Variants in ATXN10 observed in about 807,000 individuals in gnomAD.
ATXN10 encodes ataxin-10.
A neutral mutation model predicts 52.9 loss-of-function variants in ATXN10; 28 were observed. The observed-to-expected ratio is 0.53, with a 90% CI of 0.39 to 0.73. ATXN10 has a LOEUF of 0.73. ATXN10 is among the 30% of genes least tolerant of loss of function. The probability of loss-of-function intolerance (pLI) is 0.00; values close to 1 mark genes in which losing one functional copy is unlikely to be tolerated. For synonymous variants in ATXN10, 226 were observed against 221.5 expected (o/e 1.02, Z -0.18); for missense variants, 565 against 577.0 (o/e 0.98, Z 0.21).
rs1009212173 is a variant in ATXN10, at chr22:45,750,808, C to T, written c.1173+10270C>T. ...ATGTGATAAGGATAATCCAGCAACC[C>T]GGGGAGAAAAGGAAAGCTTATTACA... On this transcript the variant is annotated intron_variant, in intron 9 of 11. Transcript: ENST00000252934. The surrounding 1 kb of genome is among the most constrained non-coding windows in gnomAD (Gnocchi z 4.2). Among the ~76,000 whole-genome samples the T allele has an allele frequency of 2.6e-5, 4 of 152,102 alleles. No homozygotes were observed. The highest frequency in any genetic ancestry group is 4.4e-5 in the Non-Finnish European group (3 of 68,030).
In ATXN10 at chr22:45,766,993, T is replaced by C. The variant is rs1926605323; in HGVS notation, c.1173+26455T>C. Among the ~76,000 whole-genome samples the C allele has an allele frequency of 6.6e-6, 1 of 152,234 alleles. No homozygotes were observed. The highest frequency in any genetic ancestry group is 1.5e-5 in the Non-Finnish European group (1 of 68,040). On this transcript the variant is annotated intron_variant, in intron 9 of 11. Transcript: ENST00000252934. The surrounding 1 kb of genome is among the most constrained non-coding windows in gnomAD (Gnocchi z 4.6). ...ATATCAAATGTAGTTGGCAAGACCA[T>C]AGGGCAACAAATATTCTCTTGCTGT...
intron 1 of ATXN10, among the ~76,000 whole-genome samples, chr22:45,686,545 C>T (rs974687360): frequency 6.6e-5 from 10 of 152,074 alleles, no homozygotes; most frequent in African/African-American, 1.7e-4. Flanking sequence ...GCAGGCCAGG[C>T]GCAGTGGCTC....
intron 6 of ATXN10, among the ~76,000 whole-genome samples, chr22:45,721,253 T>G (rs1767247910): frequency 6.6e-6 from 1 of 152,200 alleles, no homozygotes; most frequent in African/African-American, 2.4e-5. Context: ...GAGTGAATAT[T>G]AACAAATTGG....
chr22:45,805,145 A>G lies in ATXN10; in HGVS notation c.1174-1814A>G, dbSNP rs528202723. Among the ~76,000 whole-genome samples, 14 of 152,320 alleles carry G rather than the reference A, an allele frequency of 9.2e-5. No homozygotes were observed. The East Asian group carries it at 2.7e-3, about 29-fold the overall frequency. ...CATTAGTCATCAGAAATGCGCATCA[A>G]AACCACAATGGCATACCACTTCACT... On this transcript the variant is annotated intron_variant, in intron 9 of 11. Coordinates refer to ENST00000252934, the MANE Select transcript of ATXN10 (RefSeq NM_013236.4). This position sits in a 1 kb window ranked among gnomAD's most constrained non-coding sequence, Gnocchi z 4.4.
chr22:45,785,132 C>T (rs1316419663), intron 9 of ATXN10, among the ~76,000 whole-genome samples: 16 of 152,238 alleles, frequency 1.1e-4, no homozygotes, highest in Admixed American at 1.0e-3. Flanking sequence ...TTCTCTGCTG[C>T]TGCCATGGTT....
Position 45,689,806 on chromosome 22 carries a change from G to A in ATXN10, c.211G>A (p.Val71Met), listed in dbSNP as rs766507966. 2 of 1,614,194 alleles carry A rather than the reference G, an allele frequency of 1.2e-6. No individual in the cohort carries two copies. The highest frequency in any genetic ancestry group is 3.3e-5 in the Admixed American group (2 of 60,024). Residue 71 changes from valine (V) to methionine (M), a missense_variant, in exon 2 of 12, where the codon GTG becomes ATG. Val to Met is a conservative substitution (Grantham distance 21). Transcript: ENST00000252934. ...GCTTGCCTGCAGAGATCCATCCCAA[G>A]TGGAAAACCTGGCTTCCAGTCTGCA... ...VELACRDPSQ[V>M]ENLASSLQLI...
rs1924401287 is a variant in ATXN10, at chr22:45,715,259, G to A, written c.648-3154G>A. ...AAAAACTGTTTATATATATTGTCTG[G>A]TTTTATGTTGTTTAAGGTAGGGGGT... is the stretch of plus-strand genomic sequence containing the variant. On this transcript the variant is annotated intron_variant, in intron 5 of 11. Coordinates refer to ENST00000252934, the MANE Select transcript of ATXN10 (RefSeq NM_013236.4). The surrounding 1 kb of genome is among the most constrained non-coding windows in gnomAD (Gnocchi z 4.4). Among the ~76,000 whole-genome samples the A allele has an allele frequency of 6.9e-6, 1 of 144,360 alleles. No homozygotes were observed. The highest frequency in any genetic ancestry group is 1.6e-5 in the Non-Finnish European group (1 of 64,462). 94.7% of individuals were successfully genotyped at this position (144,360 alleles called of 152,430 possible). A position where few individuals can be genotyped will look rare whatever the true frequency, so the allele number is the denominator to read the frequency against.
intron 10 of ATXN10, among the ~76,000 whole-genome samples, chr22:45,814,886 C>T (rs1928405438): frequency 6.6e-6 from 1 of 152,202 alleles, no homozygotes; most frequent in Non-Finnish European, 1.5e-5. Context: ...TTGCATGCTC[C>T]TTATGAGAAT....
Position 45,788,871 on chromosome 22 carries a change from A to G in ATXN10, c.1174-18088A>G, listed in dbSNP as rs533657565. Among the ~76,000 whole-genome samples the G allele has an allele frequency of 1.9e-3, 293 of 152,046 alleles. 1 individual carries two copies. Among genetic ancestry groups the G allele is most frequent in the Non-Finnish European group, 3.2e-3 (217 of 67,958 alleles). On this transcript the variant is annotated intron_variant, in intron 9 of 11. Coordinates refer to ENST00000252934, the MANE Select transcript of ATXN10 (RefSeq NM_013236.4). ...GCCGTGTTGTTCAGACTGGTCTCGA[A>G]TTTGTGACCTCAAATGATCCTCCCA...
At chr22:45,788,030 C>G (rs1367404409) in intron 9 of ATXN10, among the ~76,000 whole-genome samples, 1 of 152,146 alleles carries the variant, frequency 6.6e-6, no homozygotes, top group Non-Finnish European at 1.5e-5. Context: ...ACCAGGATTT[C>G]TCTCCTGAGA....
chr22:45,786,261 C>T lies in ATXN10; in HGVS notation c.1174-20698C>T, dbSNP rs1474890385. Among the ~76,000 whole-genome samples, 2 of 152,208 alleles carry T rather than the reference C, an allele frequency of 1.3e-5. No individual in the cohort carries two copies. Among genetic ancestry groups the T allele is most frequent in the African/African-American group, 4.8e-5 (2 of 41,456 alleles). On this transcript the variant is annotated intron_variant, in intron 9 of 11. Transcript: ENST00000252934. The surrounding 1 kb of genome is among the most constrained non-coding windows in gnomAD (Gnocchi z 4.1). ...TGCCATTACTATTCTTGAAAAGCATCTTTATTTTGTCACAAAAGCTTGGAG... is the reference window on the plus strand; with the variant it reads ...TGCCATTACTATTCTTGAAAAGCATTTTTATTTTGTCACAAAAGCTTGGAG...
At chr22:45,693,213 T>C (rs986237676) in intron 3 of ATXN10, 135 bp downstream of exon 3, 29 of 769,218 alleles carry the variant, frequency 3.8e-5, no homozygotes, top group Non-Finnish European at 5.2e-5. Context: ...TAGTGAATTA[T>C]TAAAGAATTA....
chr22:45,706,437 G>A (rs199539136), intron 5 of ATXN10, among the ~76,000 whole-genome samples: 4 of 151,798 alleles, frequency 2.6e-5, no homozygotes, highest in Non-Finnish European at 5.9e-5. Flanking sequence ...TTTCTTCTGC[G>A]TGCTTTGGGT....
chr22:45,697,025 G>A lies in ATXN10; in HGVS notation c.392-3257G>A, dbSNP rs188794887. Among the ~76,000 whole-genome samples the A allele has an allele frequency of 3.0e-3, 453 of 152,132 alleles. 2 individuals are homozygous for A. Among genetic ancestry groups the A allele is most frequent in the South Asian group, 8.7e-3 (42 of 4,816 alleles). ...TAGTTGCATTTGTATGAGTTTAATT[G>A]TTTTTTATTGATGTGAGATTCACAT... On this transcript the variant is annotated intron_variant, in intron 3 of 11. Coordinates refer to ENST00000252934, the MANE Select transcript of ATXN10 (RefSeq NM_013236.4).
chr22:45,810,130 T>A (rs569185162), intron 10 of ATXN10, among the ~76,000 whole-genome samples: 4 of 152,186 alleles, frequency 2.6e-5, no homozygotes, highest in Non-Finnish European at 4.4e-5. Flanking sequence ...TTCTATTCTC[T>A]CCAGATGGCA....
chr22:45,686,723 G>T (rs1220452389), intron 1 of ATXN10, among the ~76,000 whole-genome samples: 1 of 151,884 alleles, frequency 6.6e-6, no homozygotes, highest in East Asian at 1.9e-4. Context: ...GGAGGCTGAG[G>T]CAGAAGAATC....
intron 9 of ATXN10, among the ~76,000 whole-genome samples, chr22:45,791,244 T>G (rs544109313): frequency 6.6e-6 from 1 of 152,370 alleles, no homozygotes; most frequent in African/African-American, 2.4e-5. Flanking sequence ...TACATCATTC[T>G]AGTTCCTCTT....
intron 3 of ATXN10, among the ~76,000 whole-genome samples, chr22:45,698,520 A>G (rs1442236384): frequency 6.6e-6 from 1 of 152,248 alleles, no homozygotes; most frequent in Admixed American, 6.5e-5. Flanking sequence ...TACTTGGGAT[A>G]ATATTGAATC....
At position 45,753,863 on chromosome 22, in the gene ATXN10, T is replaced by G. The variant is rs368533789; in HGVS notation, c.1173+13325T>G. On this transcript the variant is annotated intron_variant, in intron 9 of 11. Transcript: ENST00000252934. The stretch of plus-strand genomic sequence containing the variant: ...ACCTTTTTAACTGCTACACAGAGAT[T>G]TTGATGATGTGGCAGCCTGTGATGG... Among the ~76,000 whole-genome samples, 3 of 152,122 alleles carry G rather than the reference T, an allele frequency of 2.0e-5. No individual in the cohort carries two copies. The South Asian group carries it at 6.2e-4, about 31-fold the overall frequency.
Sources: gnomAD v4.1 joint callset for allele counts (sites outside exome capture counted in the v4.1 genomes callset) on GRCh38, gnomAD v4.1.1 for gene constraint, Gnocchi (gnomAD v3.1) non-coding constraint, MANE v1.5 for transcripts, NCBI Gene and HGNC (gene_info 2026-07-23, HGNC 2026-07-21) for gene names.